TADA2A: variants seen among roughly 807,000 people sequenced by gnomAD.
TADA2A encodes transcriptional adaptor 2A, also known as transcriptional adapter 2-alpha.
TADA2A carries 38 observed loss-of-function variants against 67.4 expected under a neutral mutation model. The ratio of observed to expected loss-of-function variants is 0.56; its 90% CI spans 0.44 to 0.74. The LOEUF is 0.74. TADA2A is among the 30% of genes least tolerant of loss of function. TADA2A has a pLI of 0.00. For missense variants in TADA2A, 454 were observed against 547.0 expected (o/e 0.83, Z 1.70); for synonymous variants, 192 against 181.6 (o/e 1.06, Z -0.46).
intron 9 of TADA2A, among the ~76,000 whole-genome samples, chr17:37,459,176 G>A (rs539388073): frequency 5.9e-5 from 9 of 151,484 alleles, no homozygotes; most frequent in African/African-American, 1.9e-4. Flanking sequence ...GAATAATATG[G>A]GTACACTGTT....
At chr17:37,416,261 G>A (rs1193519389) in intron 2 of TADA2A, among the ~76,000 whole-genome samples, 1 of 151,696 alleles carries the variant, frequency 6.6e-6, no homozygotes, top group African/African-American at 2.4e-5. Flanking sequence ...TGGGATTACA[G>A]GCACATGCTG....
intron 9 of TADA2A, among the ~76,000 whole-genome samples, chr17:37,459,534 C>T (rs555193751): frequency 1.3e-4 from 20 of 151,536 alleles, no homozygotes; most frequent in Non-Finnish European, 2.7e-4. Context: ...CCATCCCCCT[C>T]TGCCTCCCAA....
At chr17:37,460,096 T>C (rs1405900001) in intron 9 of TADA2A, among the ~76,000 whole-genome samples, 1 of 151,410 alleles carries the variant, frequency 6.6e-6, no homozygotes, top group East Asian at 2.0e-4. Context: ...TTTTTTTTTT[T>C]TGAGACAGGG....
intron 15 of TADA2A, among the ~76,000 whole-genome samples, chr17:37,475,860 A>T (rs528335833): frequency 6.6e-6 from 1 of 152,236 alleles, no homozygotes; most frequent in Non-Finnish European, 1.5e-5. Context: ...AGCCAGCCTC[A>T]TAAGAGTCAT....
chr17:37,453,389 T>C (rs147982815), intron 8 of TADA2A, among the ~76,000 whole-genome samples: 1 of 152,302 alleles, frequency 6.6e-6, no homozygotes, highest in African/African-American at 2.4e-5. Flanking sequence ...TTTACTTGAT[T>C]GGTCCCACTT....
At chr17:37,424,752 C>T (rs926772993) in intron 3 of TADA2A, among the ~76,000 whole-genome samples, 2 of 152,166 alleles carry the variant, frequency 1.3e-5, no homozygotes, top group African/African-American at 4.8e-5. Context: ...GACAGGGTTT[C>T]TCCACGTTGG....
intron 15 of TADA2A, among the ~76,000 whole-genome samples, chr17:37,474,989 A>G (rs1011576970): frequency 1.3e-5 from 2 of 152,192 alleles, no homozygotes; most frequent in African/African-American, 4.8e-5. Context: ...ATGAAAATAG[A>G]TATTTCCTAT....
intron 10 of TADA2A, among the ~76,000 whole-genome samples, chr17:37,463,386 T>G (rs1308155093): frequency 6.6e-6 from 1 of 152,090 alleles, no homozygotes; most frequent in Non-Finnish European, 1.5e-5. Context: ...GTAGGGGTAT[T>G]TATTTAATAA....
chr17:37,428,890 CA>C (rs1488332360), intron 4 of TADA2A, among the ~76,000 whole-genome samples: 1 of 151,704 alleles, frequency 6.6e-6, no homozygotes, highest in Admixed American at 6.6e-5. Context: ...ACTAAAAACA[CA>C]AAAAATTAGC....
At chr17:37,466,163 G>A (rs1027127550) in intron 11 of TADA2A, among the ~76,000 whole-genome samples, 4 of 152,272 alleles carry the variant, frequency 2.6e-5, no homozygotes, top group African/African-American at 9.6e-5. Context: ...GCTCACACCT[G>A]TAATCCCAGC....
intron 7 of TADA2A, 75 bp from the exon 8 acceptor site, chr17:37,444,621 A>C (rs1253132955): frequency 3.2e-6 from 4 of 1,262,828 alleles, no homozygotes; most frequent in Non-Finnish European, 4.5e-6. Flanking sequence ...GTTTACTTCT[A>C]AAGCATGGCT....
At chr17:37,476,771 T>C (rs1243487461) in intron 15 of TADA2A, 26 bp from the exon 16 acceptor site, 1 of 1,584,982 alleles carries the variant, frequency 6.3e-7, no homozygotes, top group South Asian at 1.1e-5. Context: ...GATGTTAATG[T>C]TTATTAAATT....
intron 2 of TADA2A, among the ~76,000 whole-genome samples, chr17:37,417,609 A>T (rs2052092309): frequency 6.6e-6 from 1 of 151,828 alleles, no homozygotes; most frequent in African/African-American, 2.4e-5. Context: ...ATCTCAGCTC[A>T]CTGCCATCTC....
chr17:37,464,791 A>G (rs573571419), intron 10 of TADA2A, among the ~76,000 whole-genome samples: 1 of 145,924 alleles, frequency 6.9e-6, no homozygotes, highest in Non-Finnish European at 1.5e-5. Context: ...GTGAGCTGAG[A>G]TCACACCACT....
At chr17:37,439,559 A>G (rs908982117) in intron 5 of TADA2A, among the ~76,000 whole-genome samples, 8 of 152,156 alleles carry the variant, frequency 5.3e-5, no homozygotes, top group African/African-American at 1.7e-4. Context: ...CTGGAATAAC[A>G]GATGTGCCCC....
chr17:37,442,984 G>A (rs1463317848), intron 7 of TADA2A, among the ~76,000 whole-genome samples: 2 of 152,066 alleles, frequency 1.3e-5, no homozygotes, highest in Non-Finnish European at 2.9e-5. Context: ...GCAACGTAGT[G>A]AGACCCTGTC....
intron 15 of TADA2A, 77 bp from the exon 16 acceptor site, chr17:37,476,720 A>G (rs567546568): frequency 2.3e-4 from 357 of 1,520,342 alleles, no homozygotes; most frequent in Non-Finnish European, 3.1e-4. Context: ...ACTTTAAAAA[A>G]TTTTTTGCTA....
chr17:37,451,094 T>G (rs2053219610), intron 8 of TADA2A, among the ~76,000 whole-genome samples: 1 of 152,080 alleles, frequency 6.6e-6, no homozygotes, highest in Non-Finnish European at 1.5e-5. Flanking sequence ...TGGTACAATC[T>G]TTAGCTCACT....
At chr17:37,467,383 A>G in intron 11 of TADA2A, 71 bp from the exon 12 acceptor site, 4 of 1,281,640 alleles carry the variant, frequency 3.1e-6, no homozygotes, top group East Asian at 2.4e-5. Context: ...AAAATGCTCA[A>G]TAGCAAAAGT....
Sources: gnomAD v4.1 joint callset for allele counts (sites outside exome capture counted in the v4.1 genomes callset) on GRCh38, gnomAD v4.1.1 for gene constraint, MANE v1.5 for transcripts, NCBI Gene and HGNC (gene_info 2026-07-23, HGNC 2026-07-21) for gene names.